Variants in DPYSL2 observed in about 807,000 individuals in gnomAD.
DPYSL2 encodes the protein dihydropyrimidinase-related protein 2.
DPYSL2 carries 13 observed loss-of-function variants against 69.9 expected under a neutral mutation model. That is an observed-to-expected ratio of 0.19 (90% CI 0.12 to 0.30). The LOEUF (loss-of-function observed/expected upper bound fraction) is 0.30. Among genes scored for constraint, DPYSL2 ranks in the 10% least tolerant of loss-of-function variants. DPYSL2 has a pLI of 1.00. For missense variants in DPYSL2, 587 were observed against 918.9 expected (o/e 0.64, Z 4.67); for synonymous variants, 326 against 359.1 (o/e 0.91, Z 1.04).
intron 1 of DPYSL2, among the ~76,000 whole-genome samples, chr8:26,576,449 C>T (rs571772244): frequency 1.3e-5 from 2 of 151,986 alleles, no homozygotes; most frequent in South Asian, 2.1e-4. Context: ...GCTACGAGGG[C>T]TGGTCCAGAT....
In DPYSL2 at chr8:26,643,115, C is replaced by A; in HGVS notation, c.1127-324C>A. 3.8e-6 allele frequency: 1 copy of A among 264,654 alleles called. No homozygotes were observed. Among genetic ancestry groups the A allele is most frequent in the Non-Finnish European group, 7.1e-6 (1 of 140,892 alleles). 16.4% of individuals were successfully genotyped at this position (264,654 alleles called of 1,614,324 possible). On this transcript the variant is annotated intron_variant, in intron 8 of 13. Coordinates refer to ENST00000521913, the MANE Select transcript of DPYSL2 (RefSeq NM_001197293.3). This position sits in a 1 kb window ranked among gnomAD's most constrained non-coding sequence, Gnocchi z 6.5. ...TGGCACCTGGGACCGGATGCCTGGA[C>A]ACCATCCGAGCAGGAGATTAATGGA...
rs1452964152 is a variant in DPYSL2, at chr8:26,580,900, C to T, written c.355-1069C>T. Among the ~76,000 whole-genome samples the T allele has an allele frequency of 2.6e-5, 4 of 152,176 alleles. No individual in the cohort carries two copies. The highest frequency in any genetic ancestry group is 7.2e-5 in the African/African-American group (3 of 41,442). On this transcript the variant is annotated intron_variant, in intron 1 of 13. Coordinates refer to ENST00000521913, the MANE Select transcript of DPYSL2 (RefSeq NM_001197293.3). The surrounding 1 kb of genome is among the most constrained non-coding windows in gnomAD (Gnocchi z 4.1). ...CTTCCATCAGCAGCATTTGCAATAA[C>T]GATGAGTCATAATGTAGCATTTCTG...
chr8:26,571,611 G>T lies in DPYSL2; in HGVS notation c.355-10358G>T, dbSNP rs527683530. Among the ~76,000 whole-genome samples, 1 of 152,166 alleles carries T rather than the reference G, an allele frequency of 6.6e-6. No homozygotes were observed. The highest frequency in any genetic ancestry group is 1.5e-5 in the Non-Finnish European group (1 of 68,012). On this transcript the variant is annotated intron_variant, in intron 1 of 13. Transcript: ENST00000521913. The surrounding 1 kb of genome is among the most constrained non-coding windows in gnomAD (Gnocchi z 6.1). ...GTCGACTAGATTCTGTGAAGTGCAT[G>T]CTTCCTCTGTGCCCTCTTGTCCAGC... is the stretch of plus-strand genomic sequence containing the variant.
At chr8:26,622,142 C>CTTCCTTCT (rs1802501189) in intron 3 of DPYSL2, among the ~76,000 whole-genome samples, 1 of 50,990 alleles carries the variant, frequency 2.0e-5, no homozygotes, top group Non-Finnish European at 4.6e-5. Context: ...TCCTTCCTTC[C>CTTCCTTCT]TTCCTTCCTT....
At chr8:26,556,200 ACT>A (rs1563385058) in intron 1 of DPYSL2, among the ~76,000 whole-genome samples, 1 of 14,082 alleles carries the variant, frequency 7.1e-5, no homozygotes, top group Non-Finnish European at 1.6e-4. Context: ...TATTATATAT[ACT>A]ATATATATAC....
In DPYSL2 at chr8:26,595,095, T is replaced by C. The variant is rs147766112; in HGVS notation, c.628+11112T>C. Among the ~76,000 whole-genome samples, 1,176 of 152,148 alleles carry C rather than the reference T, an allele frequency of 7.7e-3. 19 individuals carry two copies. Among genetic ancestry groups the C allele is most frequent in the African/African-American group, 0.028 (1,142 of 41,510 alleles). On this transcript the variant is annotated intron_variant, in intron 3 of 13. Coordinates refer to ENST00000521913, the MANE Select transcript of DPYSL2 (RefSeq NM_001197293.3). ...AAAATTAGCTGGGCGTGGTGACACA[T>C]ACCTGTAGTCCTAGCTGCTTGGGAG...
chr8:26,556,464 T>C, intron 1 of DPYSL2, among the ~76,000 whole-genome samples: 1 of 134,416 alleles, frequency 7.4e-6, no homozygotes, highest in Non-Finnish European at 1.5e-5. Context: ...TAAAATCTCC[T>C]GGAACTATTA....
At chr8:26,602,210 T>G (rs1473634383) in intron 3 of DPYSL2, among the ~76,000 whole-genome samples, 3 of 151,712 alleles carry the variant, frequency 2.0e-5, no homozygotes, top group Non-Finnish European at 1.5e-5. Flanking sequence ...GATAATATTA[T>G]TAAGACTTTT....
rs1563395469 is a variant in DPYSL2 at position 26,580,945 on chromosome 8, C to T, written c.355-1024C>T. Among the ~76,000 whole-genome samples, 2 of 152,206 alleles carry T rather than the reference C, an allele frequency of 1.3e-5. No homozygotes were observed. On this transcript the variant is annotated intron_variant, in intron 1 of 13. Transcript: ENST00000521913. This position sits in a 1 kb window ranked among gnomAD's most constrained non-coding sequence, Gnocchi z 4.1. ...TTTCTGTCACATTCTCAGACTTTAT[C>T]TGCTGCTTGTCCTTTATTTTTTAGC...
chr8:26,596,795 C>T (rs1028080764), intron 3 of DPYSL2, among the ~76,000 whole-genome samples: 3 of 152,166 alleles, frequency 2.0e-5, no homozygotes, highest in Admixed American at 6.5e-5. Context: ...GGCCAATGGC[C>T]CTTGCATATC....
chr8:26,535,898 T>TTGTGTGTGTGTGTGTGTG (rs112620337), intron 1 of DPYSL2, among the ~76,000 whole-genome samples: 1 of 141,170 alleles, frequency 7.1e-6, no homozygotes, highest in African/African-American at 2.7e-5. Flanking sequence ...TCTCTATGGG[T>TTGTGTGTGTGTGTGTGTG]TGTGTGTGTG....
At chr8:26,549,387 A>C (rs73226144) in intron 1 of DPYSL2, among the ~76,000 whole-genome samples, 2,764 of 152,238 alleles carry the variant, frequency 0.018, 33 homozygotes, top group Middle Eastern at 0.031. Flanking sequence ...GAGAGAAAAC[A>C]ATGAAAATGA....
intron 1 of DPYSL2, among the ~76,000 whole-genome samples, chr8:26,542,523 G>A (rs1364912639): frequency 6.6e-6 from 1 of 152,022 alleles, no homozygotes; most frequent in African/African-American, 2.4e-5. Context: ...GTGGGCTCAA[G>A]TTGTCTTCCT....
chr8:26,623,849 G>A (rs150286233), intron 3 of DPYSL2: 217 of 335,612 alleles, frequency 6.5e-4, no homozygotes, highest in African/African-American at 4.3e-3. Context: ...ATAAGGACTC[G>A]TTGTCCGTGA....
At chr8:26,526,151 GT>G (rs1808471801) in intron 1 of DPYSL2, among the ~76,000 whole-genome samples, 2 of 152,140 alleles carry the variant, frequency 1.3e-5, no homozygotes, top group Admixed American at 6.5e-5. Context: ...CTGGAGTGCA[GT>G]GGCATGATCC....
chr8:26,632,859 T>A (rs1802811014), intron 7 of DPYSL2, among the ~76,000 whole-genome samples: 1 of 152,158 alleles, frequency 6.6e-6, no homozygotes, highest in Non-Finnish European at 1.5e-5. Context: ...TGAAAAACAT[T>A]TGGGTGTTTA....
At position 26,622,147 on chromosome 8, in the gene DPYSL2, TTC is replaced by T. The variant is rs1563413366; in HGVS notation, c.629-1995_629-1994del. Among the ~76,000 whole-genome samples the T allele has an allele frequency of 2.8e-3, 140 of 49,674 alleles. 6 individuals carry two copies. Among genetic ancestry groups the T allele is most frequent in the Admixed American group, 5.0e-3 (24 of 4,844 alleles). 32.6% of individuals were successfully genotyped at this position (49,674 alleles called of 152,430 possible). A position where few individuals can be genotyped will look rare whatever the true frequency, so the allele number is the denominator to read the frequency against. ...CTTCCTTCCTTCCTTCCTTCCTTCCTTCCTTCCTTCCCTCTCTCTCTCTTTCT... is the reference window on the plus strand; with the variant it reads ...CTTCCTTCCTTCCTTCCTTCCTTCCTCTTCCTTCCCTCTCTCTCTCTTTCT... On this transcript the variant is annotated intron_variant, in intron 3 of 13. Transcript: ENST00000521913.
rs1266005905 is a variant in DPYSL2 at position 26,517,071 on chromosome 8, G to A, written c.354+2392G>A. 6.6e-6 allele frequency among the ~76,000 whole-genome samples: 1 copy of A among 152,106 alleles called. No individual in the cohort carries two copies. The highest frequency in any genetic ancestry group is 1.9e-4 in the East Asian group (1 of 5,200). On this transcript the variant is annotated intron_variant, in intron 1 of 13. Coordinates refer to ENST00000521913, the MANE Select transcript of DPYSL2 (RefSeq NM_001197293.3). The surrounding 1 kb of genome is among the most constrained non-coding windows in gnomAD (Gnocchi z 4.2). ...GGAAGCCCTGACGCAGAGAAAGGTG[G>A]GGGAGATTGAGAATGGGTGGATCCT...
At chr8:26,603,818 C>CT (rs1036227803) in intron 3 of DPYSL2, among the ~76,000 whole-genome samples, 5 of 151,914 alleles carry the variant, frequency 3.3e-5, no homozygotes, top group Non-Finnish European at 7.4e-5. Flanking sequence ...TCAGAATTTC[C>CT]TTTTTTTTAT....
Sources: gnomAD v4.1 joint callset for allele counts (sites outside exome capture counted in the v4.1 genomes callset) on GRCh38, gnomAD v4.1.1 for gene constraint, Gnocchi (gnomAD v3.1) non-coding constraint, MANE v1.5 for transcripts, NCBI Gene and HGNC (gene_info 2026-07-23, HGNC 2026-07-21) for gene names.